The following FBN3 variants were observed in gnomAD, a reference collection of about 807,000 sequenced individuals.
The protein encoded by FBN3 is fibrillin 3.
In FBN3, 234 loss-of-function variants were observed where a neutral mutation model predicts 330.1. That is an observed-to-expected ratio of 0.71 (90% CI 0.64 to 0.79). The LOEUF (loss-of-function observed/expected upper bound fraction) is 0.79. Among genes scored for constraint, FBN3 ranks in the 30% least tolerant of loss-of-function variants. The pLI is 0.00. For synonymous variants in FBN3, 1,458 were observed against 1,517.3 expected, an observed-to-expected ratio of 0.96 and a Z score of 0.91; for missense variants, 3,606 against 3,886.9, an observed-to-expected ratio of 0.93 and a Z score of 1.92.
Position 8,103,608 on chromosome 19 carries a change from G to C in FBN3, c.4893C>G (p.Val1631=). The C allele has an allele frequency of 3.1e-6, 5 of 1,613,820 alleles. No homozygotes were observed. Among genetic ancestry groups the C allele is most frequent in the Non-Finnish European group, 3.4e-6 (4 of 1,179,804 alleles). ...CYNTLGNYTC[V]CPAEYLQVNG... Reference sequence around the variant, plus strand: ...TGACTTGGAGGTACTCTGCAGGGCAGACACAGGTGTAGTTCCCCAGGGTGT... The same window carrying C: ...TGACTTGGAGGTACTCTGCAGGGCACACACAGGTGTAGTTCCCCAGGGTGT... Residue 1631 remains valine (V), a synonymous_variant, in exon 39 of 64, where the codon GTC becomes GTG. Transcript: ENST00000600128.
chr19:8,070,314 G>A (rs572260159), intron 63 of FBN3, among the ~76,000 whole-genome samples: 16 of 152,162 alleles, frequency 1.1e-4, no homozygotes, highest in African/African-American at 3.9e-4. Flanking sequence ...TATAAAAGAT[G>A]ATATGTTTTA....
chr19:8,106,707 A>G (rs1189876657), intron 37 of FBN3, among the ~76,000 whole-genome samples: 1 of 150,070 alleles, frequency 6.7e-6, no homozygotes. Flanking sequence ...GTAGACAGGC[A>G]AATGAGTGAA....
chr19:8,075,343 T>C lies in FBN3; in HGVS notation c.7522A>G (p.Ser2508Gly). ...AHGHCHNTPGSFRCECHQGFT... is the reference protein window; with the variant it reads ...AHGHCHNTPGGFRCECHQGFT... ...CCTTGGTGGCATTCACAGCGGAAGC[T>C]GCCCGGGGTGTTGTGGCAGTGCCCG... Residue 2508 changes from serine to glycine, a missense_variant, in exon 60 of 64, where the codon AGC (serine) becomes GGC (glycine). Coordinates refer to ENST00000600128, the MANE Select transcript of FBN3 (RefSeq NM_032447.5). The C allele has an allele frequency of 1.2e-6, 2 of 1,614,224 alleles. No homozygotes were observed. The highest frequency in any genetic ancestry group is 1.7e-6 in the Non-Finnish European group (2 of 1,180,040).
intron 30 of FBN3, among the ~76,000 whole-genome samples, chr19:8,112,443 G>C (rs2082610863): frequency 6.6e-6 from 1 of 151,972 alleles, no homozygotes; most frequent in Admixed American, 6.6e-5. Flanking sequence ...TCAGGAGATC[G>C]AGACCATCCT....
At chr19:8,148,276 C>T (rs958378840) in intron 1 of FBN3, among the ~76,000 whole-genome samples, 2 of 152,192 alleles carry the variant, frequency 1.3e-5, no homozygotes, top group Non-Finnish European at 2.9e-5. Flanking sequence ...CAGGAAGCCT[C>T]CTCTGACTGT....
chr19:8,073,597 T>C (rs759129752), intron 61 of FBN3, among the ~76,000 whole-genome samples: 2 of 152,248 alleles, frequency 1.3e-5, no homozygotes, highest in African/African-American at 2.4e-5. Flanking sequence ...GATCATTCTC[T>C]AGGGAGGAGG....
rs754612890 is a variant in FBN3 at position 8,111,092 on chromosome 19, G to A, written c.4176C>T (p.Gly1392=). The change falls in exon 33 of 64, where the codon GGC becomes GGT. Residue 1392 remains glycine (G), a synonymous_variant. Transcript: ENST00000600128. The stretch of plus-strand genomic sequence containing the variant: ...CCCGGTGGTCCTCGGTGGGGTCAAA[G>A]CCCATCTCACATTCACAGCGGTACC... ...PGGYRCECEM[G]FDPTEDHRAC... is the part of the protein sequence containing the mutation. The A allele has an allele frequency of 2.5e-6, 4 of 1,613,522 alleles. No homozygotes were observed. In the South Asian group the frequency reaches 4.4e-5, roughly 18 times the overall value.
Position 8,123,926 on chromosome 19 carries a change from G to A in FBN3, c.2814C>T (p.Val938=), listed in dbSNP as rs1599397315. The A allele has an allele frequency of 6.2e-7, 1 of 1,614,100 alleles. No individual in the cohort carries two copies. The highest frequency in any genetic ancestry group is 2.2e-5 in the East Asian group (1 of 44,878). Reference sequence around the variant, plus strand: ...ACACGGCCCCGATGGAGCAGCAGCAGACGTCCATCCGGTACTTGCCAGGCA... The same window carrying A: ...ACACGGCCCCGATGGAGCAGCAGCAAACGTCCATCCGGTACTTGCCAGGCA... ...VTLPGKYRMD[V]CCCSIGAVWG... is the part of the protein sequence containing the mutation. Residue 938 remains valine, a synonymous_variant, in exon 23 of 64, where the codon GTC becomes GTT. Coordinates refer to ENST00000600128, the MANE Select transcript of FBN3 (RefSeq NM_032447.5).
intron 18 of FBN3, among the ~76,000 whole-genome samples, chr19:8,127,308 G>A (rs188713673): frequency 2.6e-5 from 4 of 152,150 alleles, no homozygotes; most frequent in South Asian, 2.1e-4. Context: ...TGGTCCGCCC[G>A]CCTCAGCCTC....
intron 63 of FBN3, among the ~76,000 whole-genome samples, chr19:8,067,854 G>A (rs2081425993): frequency 6.6e-6 from 1 of 152,118 alleles, no homozygotes. Flanking sequence ...CTTGAGCCCA[G>A]GAGTTCGAGA....
At chr19:8,066,747 C>A (rs903349871) in intron 63 of FBN3, among the ~76,000 whole-genome samples, 3 of 152,022 alleles carry the variant, frequency 2.0e-5, no homozygotes, top group Admixed American at 6.5e-5. Context: ...GGCGTGGTGG[C>A]GGGCGCCTGT....
chr19:8,118,023 G>A (rs1341569279), intron 26 of FBN3, among the ~76,000 whole-genome samples: 1 of 151,146 alleles, frequency 6.6e-6, no homozygotes, highest in Non-Finnish European at 1.5e-5. Context: ...TGCACACACA[G>A]ACACACAAAC....
chr19:8,109,544 C>G lies in FBN3; in HGVS notation c.4456+87G>C. The stretch of plus-strand genomic sequence containing the variant: ...TGTCAGGAGCAGGTAGATTTGAACA[C>G]GTTGACATCTGAGTTAACCCAGTGG... On this transcript the variant is annotated intron_variant, in intron 35 of 63. Coordinates refer to ENST00000600128, the MANE Select transcript of FBN3 (RefSeq NM_032447.5). The surrounding 1 kb of genome is among the most constrained non-coding windows in gnomAD (Gnocchi z 5.2). 3.2e-6 allele frequency: 5 copies of G among 1,542,340 alleles called. No individual in the cohort carries two copies. The highest frequency in any genetic ancestry group is 4.4e-6 in the Non-Finnish European group (5 of 1,136,146).
Position 8,133,009 on chromosome 19 carries a change from C to T in FBN3, c.1689G>A (p.Leu563=), listed in dbSNP as rs1183210702. The T allele has an allele frequency of 1.3e-6, 2 of 1,575,866 alleles. No homozygotes were observed. The highest frequency in any genetic ancestry group is 1.3e-5 in the African/African-American group (1 of 74,426). Residue 563 remains leucine (L), a synonymous_variant, in exon 14 of 64, where the codon CTG becomes CTA. Transcript: ENST00000600128. ...FSCLCKPGFL[L]APGGHYCMDI... ...CCATGCAGTAGTGGCCGCCAGGCGC[C>T]AGCAGGAAGCCGGGTTTGCAGAGGC... is the stretch of plus-strand genomic sequence containing the variant.
Position 8,073,214 on chromosome 19 carries a change from G to C in FBN3, c.7786C>G (p.Pro2596Ala). ...NTLGGFRCVC[P>A]SGFDFDQALG... The stretch of plus-strand genomic sequence containing the variant: ...GCCTGATCAAAGTCAAAGCCAGAGG[G>C]GCAGACGCAGCGGAAGCCACCAAGA... The change falls in exon 62 of 64, where the codon CCC (proline) becomes GCC (alanine). Residue 2596 changes from proline (P) to alanine (A), a missense_variant. Physicochemically the swap from Pro to Ala is conservative, Grantham distance 27 (BLOSUM62 -1). Transcript: ENST00000600128. The C allele has an allele frequency of 6.2e-7, 1 of 1,614,078 alleles. No individual in the cohort carries two copies. Among genetic ancestry groups the C allele is most frequent in the Non-Finnish European group, 8.5e-7 (1 of 1,180,026 alleles).
At chr19:8,082,349 G>GTC (rs902843529) in intron 57 of FBN3, among the ~76,000 whole-genome samples, 1 of 128,928 alleles carries the variant, frequency 7.8e-6, no homozygotes, top group Admixed American at 8.6e-5. Flanking sequence ...CTTTCTTTTT[G>GTC]TCTCTCTCTC....
Position 8,121,985 on chromosome 19 carries a change from G to C in FBN3, c.3083-599C>G, listed in dbSNP as rs2144901199. On this transcript the variant is annotated intron_variant, in intron 24 of 63. Coordinates refer to ENST00000600128, the MANE Select transcript of FBN3 (RefSeq NM_032447.5). This position sits in a 1 kb window ranked among gnomAD's most constrained non-coding sequence, Gnocchi z 4.5. ...GCTGGTCTCAAACTCCTGACCTAAA[G>C]CAGTCCACCCGCCTTGGCCTCCCAA... Among the ~76,000 whole-genome samples the C allele has an allele frequency of 6.6e-6, 1 of 152,104 alleles. No individual in the cohort carries two copies. Among genetic ancestry groups the C allele is most frequent in the Non-Finnish European group, 1.5e-5 (1 of 68,010 alleles).
Position 8,125,950 on chromosome 19 carries a change from A to C in FBN3, c.2673T>G (p.Ser891=). Residue 891 remains serine, a synonymous_variant, in exon 22 of 64, where the codon TCT becomes TCG. Coordinates refer to ENST00000600128, the MANE Select transcript of FBN3 (RefSeq NM_032447.5). ...GGCCCTCTGGACACTCACAGCGGAA[A>C]GACCCAGCAGTGTTGACGCAACGCC... is the stretch of plus-strand genomic sequence containing the variant. ...PNGRCVNTAG[S]FRCECPEGLM... is the part of the protein sequence containing the mutation. The C allele has an allele frequency of 6.2e-7, 1 of 1,613,888 alleles. No individual in the cohort carries two copies. The highest frequency in any genetic ancestry group is 8.5e-7 in the Non-Finnish European group (1 of 1,180,006).
rs760481216 is a variant in FBN3, at chr19:8,090,196, G to A, written c.6087C>T (p.Pro2029=). Residue 2029 remains proline, a synonymous_variant, in exon 49 of 64, where the codon CCC becomes CCT. Transcript: ENST00000600128. ...GGGTCTTGGTGGTGTTGAAAGCTTT[G>A]GGCACCGAGCACTTCCCAGCCTCAA... ...TRFEAGKCSV[P]KAFNTTKTRC... 2.5e-6 allele frequency: 4 copies of A among 1,614,010 alleles called. No individual in the cohort carries two copies. Among genetic ancestry groups the A allele is most frequent in the Non-Finnish European group, 3.4e-6 (4 of 1,179,982 alleles).
Sources: allele counts gnomAD v4.1 joint callset (sites outside exome capture counted in the v4.1 genomes callset), GRCh38; gene constraint gnomAD v4.1.1; non-coding constraint Gnocchi (gnomAD v3.1); transcripts MANE v1.5; gene names NCBI Gene and HGNC (gene_info 2026-07-23, HGNC 2026-07-21).